Variants in APBB2 observed in about 807,000 individuals in gnomAD.
APBB2 encodes the protein Fe65-like 1.
APBB2 carries 38 observed loss-of-function variants against 82.5 expected under a neutral mutation model. The observed-to-expected ratio is 0.46, with a 90% CI of 0.36 to 0.60. APBB2 has a LOEUF of 0.60. Ranked by LOEUF, APBB2 falls within the 20% of genes least tolerant of loss-of-function variation. The pLI is 0.00. For missense variants in APBB2, 772 were observed against 972.3 expected (o/e 0.79, Z 2.74); for synonymous variants, 341 against 368.2 (o/e 0.93, Z 0.85).
rs1204789646 is a variant in APBB2, at chr4:40,810,128, ATCT to A, written c.*5961_*5963del. Reference sequence around the variant, plus strand: ...CAGGTGGCATGATTTTTAGAATATTATCTTCTTCAAGATGAATACTTAGGTCTA... The same window carrying A: ...CAGGTGGCATGATTTTTAGAATATTATCTTCAAGATGAATACTTAGGTCTA... On this transcript the variant is annotated 3_prime_UTR_variant, in exon 18 of 18. Transcript: ENST00000508593. 2.0e-5 allele frequency: 3 copies of A among 152,254 alleles called. No homozygotes were observed. The highest frequency in any genetic ancestry group is 1.9e-4 in the East Asian group (1 of 5,206). 9.4% of individuals were successfully genotyped at this position (152,254 alleles called of 1,614,324 possible).
At chr4:40,839,320 C>T (rs1390094503) in intron 12 of APBB2, among the ~76,000 whole-genome samples, 2 of 151,942 alleles carry the variant, frequency 1.3e-5, no homozygotes, top group African/African-American at 4.8e-5. Flanking sequence ...GTTTTGCTTT[C>T]TGGAGTGGCA....
At chr4:41,144,065 T>C (rs1560868524) in intron 1 of APBB2, among the ~76,000 whole-genome samples, 1 of 152,262 alleles carries the variant, frequency 6.6e-6, no homozygotes. Context: ...CATTAAGAGC[T>C]AATAGATTAA....
rs148484676 is a variant in APBB2 at position 40,912,771 on chromosome 4, C to T, written c.1255-19360G>A. Among the ~76,000 whole-genome samples, 496 of 152,236 alleles carry T rather than the reference C, an allele frequency of 3.3e-3. 10 individuals are homozygous for T. The highest frequency in any genetic ancestry group is 0.027 in the Admixed American group (411 of 15,280). On this transcript the variant is annotated intron_variant, in intron 10 of 17. Transcript: ENST00000508593. ...GGCAGTAAACATGAGATTCACATCC[C>T]ACCTTCTCGGAGTCTGAGTAAGGGC...
At chr4:40,902,661 G>A (rs112179915) in intron 10 of APBB2, among the ~76,000 whole-genome samples, 2 of 152,148 alleles carry the variant, frequency 1.3e-5, no homozygotes, top group Non-Finnish European at 2.9e-5. Flanking sequence ...AGCCTCCCAA[G>A]TGGCTGGGAC....
At chr4:41,068,144 A>G (rs1004848576) in intron 3 of APBB2, among the ~76,000 whole-genome samples, 34 of 152,214 alleles carry the variant, frequency 2.2e-4, no homozygotes, top group African/African-American at 8.0e-4. Flanking sequence ...GAAATCATGG[A>G]TAGAACCAAG....
rs143523479 is a variant in APBB2, at chr4:41,072,445, T to C, written c.-148-6772A>G. Among the ~76,000 whole-genome samples the C allele has an allele frequency of 5.3e-3, 810 of 152,344 alleles. 6 individuals are homozygous for C. The highest frequency in any genetic ancestry group is 8.4e-3 in the Non-Finnish European group (569 of 68,028). ...AAAGAGTTGCATCTCATTTCTGTTA[T>C]AGTACCAACCTTTCCCTTCTTCAAG... On this transcript the variant is annotated intron_variant, in intron 3 of 17. Coordinates refer to ENST00000508593, the MANE Select transcript of APBB2 (RefSeq NM_004307.2).
chr4:41,143,364 G>C (rs1180651061), intron 1 of APBB2, among the ~76,000 whole-genome samples: 1 of 152,222 alleles, frequency 6.6e-6, no homozygotes, highest in Non-Finnish European at 1.5e-5. Context: ...TTGGCCTAGT[G>C]ATTATGCTCT....
intron 6 of APBB2, among the ~76,000 whole-genome samples, chr4:40,980,764 G>A (rs879941865): frequency 4.6e-5 from 7 of 152,202 alleles, no homozygotes; most frequent in Non-Finnish European, 1.0e-4. Context: ...TGGGTATAAG[G>A]ACCAAAGAAG....
chr4:41,130,956 G>A (rs985444585), intron 2 of APBB2, among the ~76,000 whole-genome samples: 1 of 152,038 alleles, frequency 6.6e-6, no homozygotes, highest in Non-Finnish European at 1.5e-5. Flanking sequence ...CATCATAAGG[G>A]CCCAACTAGA....
intron 6 of APBB2, among the ~76,000 whole-genome samples, chr4:40,954,182 A>T (rs986698027): frequency 6.6e-6 from 1 of 152,212 alleles, no homozygotes; most frequent in Non-Finnish European, 1.5e-5. Context: ...AAATGAAAAT[A>T]GATTTGCTTC....
intron 5 of APBB2, among the ~76,000 whole-genome samples, chr4:41,027,364 CATAT>C (rs36224955): frequency 0.053 from 6,713 of 126,432 alleles, 269 homozygotes; most frequent in Middle Eastern, 0.087. Context: ...CATATTGTTA[CATAT>C]ATATATATAT....
At chr4:41,145,222 C>G (rs764226875) in intron 1 of APBB2, among the ~76,000 whole-genome samples, 1 of 152,178 alleles carries the variant, frequency 6.6e-6, no homozygotes, top group African/African-American at 2.4e-5. Context: ...TTCTGATGCT[C>G]TTGGCATCCT....
At chr4:40,858,012 A>G (rs1761833287) in intron 12 of APBB2, among the ~76,000 whole-genome samples, 1 of 152,062 alleles carries the variant, frequency 6.6e-6, no homozygotes, top group East Asian at 1.9e-4. Flanking sequence ...ACACCCCTAC[A>G]CCCTTTTGTA....
chr4:40,847,445 G>C (rs920012551), intron 12 of APBB2, among the ~76,000 whole-genome samples: 1 of 152,210 alleles, frequency 6.6e-6, no homozygotes, highest in African/African-American at 2.4e-5. Flanking sequence ...CTGGGTGACA[G>C]AGCAAGACCG....
chr4:41,114,346 C>A (rs141062709), intron 2 of APBB2, among the ~76,000 whole-genome samples: 1 of 152,128 alleles, frequency 6.6e-6, no homozygotes, highest in South Asian at 2.1e-4. Context: ...TTATTTATGA[C>A]AAACCCACAG....
At chr4:40,818,684 C>A (rs1205883339) in intron 17 of APBB2, among the ~76,000 whole-genome samples, 1 of 152,178 alleles carries the variant, frequency 6.6e-6, no homozygotes, top group Non-Finnish European at 1.5e-5. Context: ...TTCAGGGTGT[C>A]TGAGTTAGAA....
At position 40,826,373 on chromosome 4, in the gene APBB2, G is replaced by GT. The variant is rs148222536; in HGVS notation, c.1733-404dup. ...TGAGTTCCCCCAGTAATCAACCCACGTTTTTTTTTTTTTAGAGACAAGAGT... is the reference window on the plus strand; with the variant it reads ...TGAGTTCCCCCAGTAATCAACCCACGTTTTTTTTTTTTTTAGAGACAAGAGT... On this transcript the variant is annotated intron_variant, in intron 14 of 17. Transcript: ENST00000508593. This position sits in a 1 kb window ranked among gnomAD's most constrained non-coding sequence, Gnocchi z 4.5. Among the ~76,000 whole-genome samples, 42,131 of 145,762 alleles carry GT rather than the reference G, an allele frequency of 0.29. 6,052 individuals are homozygous for GT. The highest frequency in any genetic ancestry group is 0.34 in the Admixed American group (4,922 of 14,614).
At chr4:41,037,625 C>G (rs927300096) in intron 4 of APBB2, among the ~76,000 whole-genome samples, 4 of 152,184 alleles carry the variant, frequency 2.6e-5, no homozygotes, top group Non-Finnish European at 5.9e-5. Context: ...TCTAGTACCA[C>G]ATTTTTTAAC....
chr4:40,910,208 T>A (rs1778182357), intron 10 of APBB2, among the ~76,000 whole-genome samples: 1 of 151,384 alleles, frequency 6.6e-6, no homozygotes, highest in Non-Finnish European at 1.5e-5. Context: ...CTTCAGGTGA[T>A]CCGCCGCCTC....
Sources: allele counts gnomAD v4.1 joint callset (sites outside exome capture counted in the v4.1 genomes callset), GRCh38; gene constraint gnomAD v4.1.1; non-coding constraint Gnocchi (gnomAD v3.1); transcripts MANE v1.5; gene names NCBI Gene and HGNC (gene_info 2026-07-23, HGNC 2026-07-21).